The following MSRB3 variants were observed in gnomAD, a reference collection of about 807,000 sequenced individuals.
MSRB3 encodes methionine-R-sulfoxide reductase B3.
A neutral mutation model predicts 21.0 loss-of-function variants in MSRB3; 13 were observed. The ratio of observed to expected loss-of-function variants is 0.62; its 90% CI spans 0.40 to 0.98. The LOEUF is 0.98. Ranked by LOEUF, MSRB3 falls within the 50% of genes least tolerant of loss-of-function variation. The pLI is 0.00. For synonymous variants in MSRB3, 87 were observed against 88.6 expected, an observed-to-expected ratio of 0.98 and a Z score of 0.10; for missense variants, 199 against 230.3, an observed-to-expected ratio of 0.86 and a Z score of 0.88.
chr12:65,395,675 T>G (rs1879740181), intron 5 of MSRB3, among the ~76,000 whole-genome samples: 1 of 152,214 alleles, frequency 6.6e-6, no homozygotes, highest in Admixed American at 6.5e-5. Flanking sequence ...AATTATTGAT[T>G]CAGTTTCTTT....
chr12:65,436,607 A>G (rs188120612), intron 5 of MSRB3, among the ~76,000 whole-genome samples: 1 of 152,018 alleles, frequency 6.6e-6, no homozygotes, highest in East Asian at 1.9e-4. Context: ...AGAGTTTTTT[A>G]ATTCACTGAA....
chr12:65,465,058 G>A lies in MSRB3; in HGVS notation c.*1736G>A, dbSNP rs1435618006. ...TAATTGCCTCAAAGGCCAAAGCCCAGGCATTTGAAATGGAAAGAAGCAGAG... is the reference window on the plus strand; with the variant it reads ...TAATTGCCTCAAAGGCCAAAGCCCAAGCATTTGAAATGGAAAGAAGCAGAG... On this transcript the variant is annotated 3_prime_UTR_variant, in exon 7 of 7. Coordinates refer to ENST00000308259, the MANE Select transcript of MSRB3 (RefSeq NM_001031679.3). The A allele has an allele frequency of 1.3e-5, 2 of 152,194 alleles. No homozygotes were observed. The highest frequency in any genetic ancestry group is 2.9e-5 in the Non-Finnish European group (2 of 68,040). The allele number at this position is 152,194 out of a possible 1,614,324, so 9.4% of individuals were successfully genotyped here. A position where few individuals can be genotyped will look rare whatever the true frequency, so the allele number is the denominator to read the frequency against.
chr12:65,395,898 A>G (rs919808375), intron 5 of MSRB3, among the ~76,000 whole-genome samples: 2 of 152,036 alleles, frequency 1.3e-5, no homozygotes, highest in Non-Finnish European at 2.9e-5. Context: ...CTCACTTTTT[A>G]TCTTAGTTAA....
chr12:65,436,025 C>A (rs1155167), intron 5 of MSRB3, among the ~76,000 whole-genome samples: 1 of 151,736 alleles, frequency 6.6e-6, no homozygotes, highest in South Asian at 2.1e-4. Context: ...TGGTAGTACA[C>A]CCCAGGTAGG....
intron 2 of MSRB3, among the ~76,000 whole-genome samples, chr12:65,311,515 A>C (rs1389898965): frequency 1.3e-5 from 2 of 152,100 alleles, no homozygotes; most frequent in Admixed American, 1.3e-4. Context: ...GAAGAAATTA[A>C]CTTCAACAGT....
chr12:65,446,535 A>C (rs1882625867), intron 5 of MSRB3, among the ~76,000 whole-genome samples: 1 of 152,226 alleles, frequency 6.6e-6, no homozygotes, highest in Admixed American at 6.5e-5. Context: ...ATTAAAAAAA[A>C]AATCTTGCCT....
chr12:65,358,431 A>G (rs898530835), intron 4 of MSRB3, among the ~76,000 whole-genome samples: 5 of 152,050 alleles, frequency 3.3e-5, no homozygotes, highest in Admixed American at 1.3e-4. Flanking sequence ...ACTTTGAATT[A>G]TAATCAATAC....
At chr12:65,368,446 C>T (rs1271629325) in intron 4 of MSRB3, among the ~76,000 whole-genome samples, 1 of 152,198 alleles carries the variant, frequency 6.6e-6, no homozygotes, top group East Asian at 1.9e-4. Context: ...TTCCCACAGC[C>T]GAACTGAGAG....
At chr12:65,425,716 T>C (rs1881565583) in intron 5 of MSRB3, among the ~76,000 whole-genome samples, 1 of 152,154 alleles carries the variant, frequency 6.6e-6, no homozygotes. Flanking sequence ...CTCAGCAAAT[T>C]ATTGTAGCTA....
chr12:65,414,350 G>A (rs530815725), intron 5 of MSRB3, among the ~76,000 whole-genome samples: 8 of 152,222 alleles, frequency 5.3e-5, no homozygotes, highest in Non-Finnish European at 7.4e-5. Flanking sequence ...CAGATAGACA[G>A]TCATGCATCT....
At chr12:65,312,979 G>A (rs535903496) in intron 2 of MSRB3, among the ~76,000 whole-genome samples, 4 of 152,042 alleles carry the variant, frequency 2.6e-5, no homozygotes, top group Admixed American at 2.0e-4. Flanking sequence ...TCACTTTATT[G>A]CATTAATACA....
At chr12:65,440,748 A>G (rs548416445) in intron 5 of MSRB3, among the ~76,000 whole-genome samples, 24 of 152,104 alleles carry the variant, frequency 1.6e-4, no homozygotes, top group African/African-American at 5.5e-4. Flanking sequence ...AAGTAGTAAT[A>G]AATACTTGAG....
chr12:65,428,408 T>C (rs1881711829), intron 5 of MSRB3, among the ~76,000 whole-genome samples: 1 of 152,140 alleles, frequency 6.6e-6, no homozygotes, highest in Non-Finnish European at 1.5e-5. Context: ...CTATGTTTAT[T>C]TTGGGGGTGC....
At chr12:65,456,222 A>G (rs1883086170) in intron 6 of MSRB3, among the ~76,000 whole-genome samples, 1 of 152,162 alleles carries the variant, frequency 6.6e-6, no homozygotes, top group Non-Finnish European at 1.5e-5. Context: ...CTGTTACGTG[A>G]TCGTTTTAAC....
chr12:65,458,486 G>C (rs1811649), intron 6 of MSRB3, among the ~76,000 whole-genome samples: 60,862 of 151,960 alleles, frequency 0.4, 12,392 homozygotes, highest in Middle Eastern at 0.54. Flanking sequence ...TTCTAGAAGT[G>C]TTGCAGTGAG....
In MSRB3 at chr12:65,414,194, T is replaced by A. The variant is rs557891675; in HGVS notation, c.293-39534T>A. 1.1e-4 allele frequency among the ~76,000 whole-genome samples: 16 copies of A among 152,318 alleles called. No homozygotes were observed. The South Asian group carries it at 3.3e-3, about 32-fold the overall frequency. On this transcript the variant is annotated intron_variant, in intron 5 of 6. Transcript: ENST00000308259. ...GACTTCTATCTTTAAAAGCTCACTT[T>A]GGCTGTTATATACAGAATAGGCTAT...
chr12:65,409,845 C>G (rs981510549), intron 5 of MSRB3, among the ~76,000 whole-genome samples: 1 of 152,066 alleles, frequency 6.6e-6, no homozygotes, highest in African/African-American at 2.4e-5. Context: ...TTTTAAGAAA[C>G]AGAATGCTTA....
At position 65,402,481 on chromosome 12, in the gene MSRB3, C is replaced by T. The variant is rs971584982; in HGVS notation, c.292+33455C>T. ...GTCCATCGGGGTCACTTATGTTCTTCTCTAAACTGGTTATTCTAGTTAGCA... is the reference window on the plus strand; with the variant it reads ...GTCCATCGGGGTCACTTATGTTCTTTTCTAAACTGGTTATTCTAGTTAGCA... On this transcript the variant is annotated intron_variant, in intron 5 of 6. Transcript: ENST00000308259. 5.3e-5 allele frequency among the ~76,000 whole-genome samples: 8 copies of T among 152,146 alleles called. No individual in the cohort carries two copies. In the South Asian group the frequency reaches 1.7e-3, roughly 32 times the overall value.
chr12:65,377,624 A>T (rs1471720188), intron 5 of MSRB3, among the ~76,000 whole-genome samples: 1 of 152,232 alleles, frequency 6.6e-6, no homozygotes, highest in Non-Finnish European at 1.5e-5. Context: ...CTTATATGAG[A>T]TAATTACTCA....
Sources: allele counts gnomAD v4.1 joint callset (sites outside exome capture counted in the v4.1 genomes callset), GRCh38; gene constraint gnomAD v4.1.1; transcripts MANE v1.5; gene names NCBI Gene and HGNC (gene_info 2026-07-23, HGNC 2026-07-21).